The following PLD5 variants were observed in gnomAD, a reference collection of about 807,000 sequenced individuals.
PLD5 encodes phospholipase D family member 5.
A neutral mutation model predicts 61.1 loss-of-function variants in PLD5; 36 were observed. The ratio of observed to expected loss-of-function variants is 0.59; its 90% CI spans 0.45 to 0.78. The LOEUF (loss-of-function observed/expected upper bound fraction) is 0.78. Among genes scored for constraint, PLD5 ranks in the 30% least tolerant of loss-of-function variants. The pLI is 0.00. For missense variants in PLD5, 515 were observed against 644.4 expected (o/e 0.80, Z 2.17); for synonymous variants, 243 against 242.8 (o/e 1.00, Z -0.01).
chr1:242,114,784 C>T (rs1661811694), intron 6 of PLD5, among the ~76,000 whole-genome samples: 1 of 152,064 alleles, frequency 6.6e-6, no homozygotes, highest in South Asian at 2.1e-4. Flanking sequence ...CAGATGAGAC[C>T]ATCTAGTTGC....
At chr1:242,491,722 A>G (rs1668158512) in intron 1 of PLD5, among the ~76,000 whole-genome samples, 1 of 152,078 alleles carries the variant, frequency 6.6e-6, no homozygotes, top group African/African-American at 2.4e-5. Context: ...CAGATTTTCT[A>G]TGTCCTCATT....
chr1:242,249,978 C>G (rs888573443), intron 4 of PLD5, among the ~76,000 whole-genome samples: 4 of 152,144 alleles, frequency 2.6e-5, no homozygotes, highest in African/African-American at 9.7e-5. Flanking sequence ...ATTTCAGAAC[C>G]ATCCTAAGCT....
In PLD5 at chr1:242,112,339, G is replaced by GTGTGTATATATATATATATA. The variant is rs1370325825; in HGVS notation, c.1070+1550_1070+1551insTATATATATATATATACACA. Among the ~76,000 whole-genome samples, 24 of 143,404 alleles carry GTGTGTATATATATATATATA rather than the reference G, an allele frequency of 1.7e-4. 1 individual carries two copies. Among genetic ancestry groups the GTGTGTATATATATATATATA allele is most frequent in the South Asian group, 9.4e-4 (4 of 4,242 alleles). 94.1% of individuals were successfully genotyped at this position (143,404 alleles called of 152,430 possible). ...TGTGTGTGTGTATGTATGTATATGT[G>GTGTGTATATATATATATATA]TATATATATATATAGATGGAGTCTC... On this transcript the variant is annotated intron_variant, in intron 7 of 9. Transcript: ENST00000536534.
intron 5 of PLD5, among the ~76,000 whole-genome samples, chr1:242,127,060 C>T (rs1424510051): frequency 6.6e-6 from 1 of 152,136 alleles, no homozygotes; most frequent in Non-Finnish European, 1.5e-5. Context: ...GAGTGCTCAA[C>T]ATCACTAATG....
intron 5 of PLD5, among the ~76,000 whole-genome samples, chr1:242,200,577 T>A (rs1274754626): frequency 2.0e-5 from 3 of 152,000 alleles, no homozygotes; most frequent in Non-Finnish European, 4.4e-5. Context: ...TTACTATACA[T>A]CTGTATCACT....
At chr1:242,270,771 G>T (rs888082688) in intron 3 of PLD5, among the ~76,000 whole-genome samples, 1 of 152,160 alleles carries the variant, frequency 6.6e-6, no homozygotes, top group Non-Finnish European at 1.5e-5. Context: ...CCCAAGGCTG[G>T]GTATATGAGG....
intron 2 of PLD5, among the ~76,000 whole-genome samples, chr1:242,318,467 G>A (rs1658165498): frequency 6.6e-6 from 1 of 152,172 alleles, no homozygotes; most frequent in Non-Finnish European, 1.5e-5. Flanking sequence ...GAGAGAGAAG[G>A]AGAGCTCTGT....
At chr1:242,131,895 C>T (rs957726934) in intron 5 of PLD5, among the ~76,000 whole-genome samples, 14 of 138,202 alleles carry the variant, frequency 1.0e-4, no homozygotes, top group East Asian at 2.2e-4. Flanking sequence ...AGTGCAGTAG[C>T]GCAATCTCGG....
At chr1:242,434,069 T>C (rs548957760) in intron 1 of PLD5, among the ~76,000 whole-genome samples, 31 of 152,324 alleles carry the variant, frequency 2.0e-4, no homozygotes, top group African/African-American at 7.2e-4. Flanking sequence ...ATCTACAAGA[T>C]ATACCTTTCA....
At chr1:242,109,545 A>T (rs1661319584) in intron 7 of PLD5, among the ~76,000 whole-genome samples, 1 of 151,116 alleles carries the variant, frequency 6.6e-6, no homozygotes, top group South Asian at 2.1e-4. Flanking sequence ...AAGTCACAAG[A>T]CTCCCCCAGT....
At chr1:242,245,946 T>G (rs1295267845) in intron 4 of PLD5, among the ~76,000 whole-genome samples, 2 of 152,186 alleles carry the variant, frequency 1.3e-5, no homozygotes, top group Admixed American at 1.3e-4. Flanking sequence ...CGCCCAAGTT[T>G]CTTTGAAAAA....
intron 5 of PLD5, among the ~76,000 whole-genome samples, chr1:242,179,550 T>C (rs905119217): frequency 1.3e-5 from 2 of 152,190 alleles, no homozygotes; most frequent in South Asian, 2.1e-4. Context: ...TATCTGAGCC[T>C]GTGCTGCCCT....
At chr1:242,246,469 AG>A (rs1455438965) in intron 4 of PLD5, among the ~76,000 whole-genome samples, 3 of 140,592 alleles carry the variant, frequency 2.1e-5, no homozygotes, top group African/African-American at 8.3e-5. Context: ...ATACTTGCAT[AG>A]AAAAGACAAC....
intron 1 of PLD5, among the ~76,000 whole-genome samples, chr1:242,514,774 T>C (rs1669049348): frequency 6.6e-6 from 1 of 152,038 alleles, no homozygotes; most frequent in African/African-American, 2.4e-5. Flanking sequence ...GGGAAGGTTG[T>C]CTAAAGCAGA....
At chr1:242,413,858 G>A (rs1404649128) in intron 1 of PLD5, among the ~76,000 whole-genome samples, 1 of 152,200 alleles carries the variant, frequency 6.6e-6, no homozygotes. Context: ...GCTAATTTAT[G>A]AGGGACAAAG....
At chr1:242,328,761 C>T (rs1658983302) in intron 2 of PLD5, among the ~76,000 whole-genome samples, 1 of 152,260 alleles carries the variant, frequency 6.6e-6, no homozygotes, top group South Asian at 2.1e-4. Flanking sequence ...GAATACAAAG[C>T]CAAAGATACC....
chr1:242,419,318 T>C (rs58430347), intron 1 of PLD5, among the ~76,000 whole-genome samples: 1 of 151,988 alleles, frequency 6.6e-6, no homozygotes, highest in East Asian at 1.9e-4. Context: ...GTCGCATGAC[T>C]TGTAGTTTCA....
At chr1:242,212,665 G>A (rs1272792119) in intron 5 of PLD5, among the ~76,000 whole-genome samples, 3 of 152,200 alleles carry the variant, frequency 2.0e-5, no homozygotes, top group East Asian at 1.9e-4. Context: ...AAAGCACAGC[G>A]CCTAAGCAGG....
intron 1 of PLD5, among the ~76,000 whole-genome samples, chr1:242,436,100 AC>A (rs762009613): frequency 1.3e-5 from 2 of 151,326 alleles, no homozygotes; most frequent in African/African-American, 4.9e-5. Context: ...ATGAAACCCC[AC>A]CCCCTCTTTC....
Sources: allele counts gnomAD v4.1 joint callset (sites outside exome capture counted in the v4.1 genomes callset), GRCh38; gene constraint gnomAD v4.1.1; transcripts MANE v1.5; gene names NCBI Gene and HGNC (gene_info 2026-07-23, HGNC 2026-07-21).